Variants in SLC7A14 observed in about 807,000 individuals in gnomAD.
SLC7A14 encodes solute carrier family 7 member 14.
SLC7A14 carries 37 observed loss-of-function variants against 60.2 expected under a neutral mutation model. The ratio of observed to expected loss-of-function variants is 0.61; its 90% CI spans 0.47 to 0.81. The LOEUF is 0.81. Ranked by LOEUF, SLC7A14 falls within the 30% of genes least tolerant of loss-of-function variation. The probability of loss-of-function intolerance (pLI) is 0.00; values close to 1 mark genes in which losing one functional copy is unlikely to be tolerated. For missense variants in SLC7A14, 886 were observed against 982.7 expected (o/e 0.90, Z 1.32); for synonymous variants, 399 against 395.8 (o/e 1.01, Z -0.10).
intron 7 of SLC7A14, among the ~76,000 whole-genome samples, chr3:170,475,943 C>G (rs1560249136): frequency 6.6e-6 from 1 of 152,068 alleles, no homozygotes; most frequent in Non-Finnish European, 1.5e-5. Context: ...GAATTCCTGA[C>G]CTCAGGTGAT....
At chr3:170,550,591 G>A (rs893283446) in intron 1 of SLC7A14, among the ~76,000 whole-genome samples, 3 of 138,670 alleles carry the variant, frequency 2.2e-5, no homozygotes, top group South Asian at 2.3e-4. Flanking sequence ...GTGTGATCTC[G>A]GCTCACTGCA....
intron 2 of SLC7A14, among the ~76,000 whole-genome samples, chr3:170,516,543 C>A (rs1340476184): frequency 7.2e-6 from 1 of 139,818 alleles, no homozygotes; most frequent in Non-Finnish European, 1.5e-5. Flanking sequence ...AGTAACACAG[C>A]GACACCTGTC....
At position 170,461,311 on chromosome 3, in the gene SLC7A14, A is replaced by G. The variant is rs571256493; in HGVS notation, c.*5744T>C. On this transcript the variant is annotated 3_prime_UTR_variant, in exon 8 of 8. Transcript: ENST00000231706. Reference sequence around the variant, plus strand: ...CTTCCACTCACCCCTTGTGGGTTCTAAGTCCTAAAAAAAAGAACACTCTAT... The same window carrying G: ...CTTCCACTCACCCCTTGTGGGTTCTGAGTCCTAAAAAAAAGAACACTCTAT... 2 of 152,302 alleles carry G rather than the reference A, an allele frequency of 1.3e-5. No homozygotes were observed. Among genetic ancestry groups the G allele is most frequent in the South Asian group, 4.1e-4 (2 of 4,822 alleles). 9.4% of individuals were successfully genotyped at this position (152,302 alleles called of 1,614,324 possible).
intron 4 of SLC7A14, among the ~76,000 whole-genome samples, chr3:170,490,417 T>C (rs1712181325): frequency 6.6e-6 from 1 of 152,190 alleles, no homozygotes; most frequent in African/African-American, 2.4e-5. Context: ...CATGCATACA[T>C]ACCCTCCTCT....
In SLC7A14 at chr3:170,527,066, A is replaced by G; in HGVS notation, c.-130T>C. 3 of 953,950 alleles carry G rather than the reference A, an allele frequency of 3.1e-6. No individual in the cohort carries two copies. Among genetic ancestry groups the G allele is most frequent in the Non-Finnish European group, 4.6e-6 (3 of 657,950 alleles). 59.1% of individuals were successfully genotyped at this position (953,950 alleles called of 1,614,324 possible). A position where few individuals can be genotyped will look rare whatever the true frequency, so the allele number is the denominator to read the frequency against. On this transcript the variant is annotated 5_prime_UTR_variant, in exon 2 of 8. Transcript: ENST00000231706. ...GGAAAGGCCCAGAGGGACCCAGTGC[A>G]GCCTTCTCCTGGGCATGAATGTCTG...
intron 1 of SLC7A14, among the ~76,000 whole-genome samples, chr3:170,533,682 G>GGTA (rs1560272236): frequency 3.7e-4 from 55 of 146,936 alleles, no homozygotes; most frequent in Admixed American, 2.3e-3. Context: ...TGTGTGTGGT[G>GGTA]TGTGTGTGTG....
In SLC7A14 at chr3:170,475,260, A is replaced by G. The variant is rs549047150; in HGVS notation, c.1993+5029T>C. Among the ~76,000 whole-genome samples, 4 of 152,364 alleles carry G rather than the reference A, an allele frequency of 2.6e-5. No homozygotes were observed. In the South Asian group the frequency reaches 6.2e-4, roughly 24 times the overall value. ...AAAACATTGTTACAAAAATGCCGCA[A>G]TTAAGATTTATTTAGAAAAGCTTGG... On this transcript the variant is annotated intron_variant, in intron 7 of 7. Transcript: ENST00000231706.
At chr3:170,484,344 G>A (rs1175177413) in intron 5 of SLC7A14, among the ~76,000 whole-genome samples, 2 of 152,206 alleles carry the variant, frequency 1.3e-5, no homozygotes, top group East Asian at 1.9e-4. Context: ...CTGCCTACGG[G>A]GAGAAATCAG....
At chr3:170,514,845 G>A (rs1713099947) in intron 2 of SLC7A14, among the ~76,000 whole-genome samples, 1 of 152,180 alleles carries the variant, frequency 6.6e-6, no homozygotes, top group African/African-American at 2.4e-5. Flanking sequence ...AAACATTACT[G>A]AGCATTTACT....
intron 4 of SLC7A14, chr3:170,496,445 C>T (rs1467575346): frequency 2.4e-6 from 3 of 1,263,380 alleles, no homozygotes; most frequent in Admixed American, 1.7e-5. Flanking sequence ...TCGCAGATAC[C>T]GAGCAGCGTG....
chr3:170,474,715 C>T (rs750731564), intron 7 of SLC7A14, among the ~76,000 whole-genome samples: 10 of 152,168 alleles, frequency 6.6e-5, no homozygotes, highest in Non-Finnish European at 1.2e-4. Context: ...CAGATAATAG[C>T]TCAGGTATAG....
intron 1 of SLC7A14, among the ~76,000 whole-genome samples, chr3:170,540,062 G>T (rs767625275): frequency 2.9e-4 from 44 of 152,134 alleles, no homozygotes; most frequent in Non-Finnish European, 4.9e-4. Context: ...TGGCGGGGTG[G>T]GGGGTAGTAC....
chr3:170,469,500 T>A (rs990810341), intron 7 of SLC7A14, among the ~76,000 whole-genome samples: 1 of 151,566 alleles, frequency 6.6e-6, no homozygotes, highest in Non-Finnish European at 1.5e-5. Flanking sequence ...TTTCTGTAGG[T>A]GGGGGGTGGC....
At chr3:170,475,082 C>G (rs1490627087) in intron 7 of SLC7A14, among the ~76,000 whole-genome samples, 1 of 152,208 alleles carries the variant, frequency 6.6e-6, no homozygotes, top group African/African-American at 2.4e-5. Context: ...ATGAAGGCTG[C>G]TTTGTGCTCA....
chr3:170,499,727 T>A (rs531075260), intron 3 of SLC7A14, among the ~76,000 whole-genome samples: 2 of 152,260 alleles, frequency 1.3e-5, no homozygotes, highest in South Asian at 4.1e-4. Context: ...GCCTGCTTGG[T>A]TTTGCCCAAC....
intron 4 of SLC7A14, among the ~76,000 whole-genome samples, chr3:170,494,724 G>A (rs1712326454): frequency 6.6e-6 from 1 of 152,238 alleles, no homozygotes; most frequent in South Asian, 2.1e-4. Context: ...TTGACAGGAT[G>A]TCTTCATAAA....
intron 5 of SLC7A14, among the ~76,000 whole-genome samples, chr3:170,484,082 T>C (rs1711939762): frequency 6.6e-6 from 1 of 152,190 alleles, no homozygotes; most frequent in Admixed American, 6.5e-5. Context: ...ATATTTCTAT[T>C]TCCTTTCTCT....
At chr3:170,491,380 G>A (rs184320412) in intron 4 of SLC7A14, among the ~76,000 whole-genome samples, 2 of 152,332 alleles carry the variant, frequency 1.3e-5, no homozygotes, top group Admixed American at 1.3e-4. Flanking sequence ...GAACTAGAAA[G>A]CAAGTACAGT....
At chr3:170,508,113 A>G (rs901054825) in intron 2 of SLC7A14, among the ~76,000 whole-genome samples, 5 of 152,222 alleles carry the variant, frequency 3.3e-5, no homozygotes, top group African/African-American at 1.2e-4. Context: ...TGCACTGGTA[A>G]GGGATCATCT....
Sources: allele counts gnomAD v4.1 joint callset (sites outside exome capture counted in the v4.1 genomes callset), GRCh38; gene constraint gnomAD v4.1.1; transcripts MANE v1.5; gene names NCBI Gene and HGNC (gene_info 2026-07-23, HGNC 2026-07-21).